Variants in TMEM272 observed in about 807,000 individuals in gnomAD.
TMEM272 encodes the protein long intergenic non-protein coding RNA 282.
Under a neutral mutation model 3.7 loss-of-function variants are expected in TMEM272, and 8 were observed. The observed-to-expected ratio is 2.17, with a 90% CI of 1.27 to 3.91. TMEM272 has a LOEUF of 3.91. Among genes scored for constraint, TMEM272 ranks in the 30% most tolerant of loss-of-function variants. The pLI is 0.00. For missense variants in TMEM272, 166 were observed against 91.5 expected, an observed-to-expected ratio of 1.81 and a Z score of -3.32; for synonymous variants, 63 against 39.8, an observed-to-expected ratio of 1.58 and a Z score of -2.20.
the TMEM272 span, among the ~76,000 whole-genome samples, chr13:51,900,438 T>C: frequency 6.6e-6 from 1 of 152,188 alleles, no homozygotes; most frequent in African/African-American, 2.4e-5. Flanking sequence ...CCACTTCATA[T>C]GCACTGAAAT....
chr13:51,871,863 C>A, the TMEM272 span, among the ~76,000 whole-genome samples: 1 of 149,520 alleles, frequency 6.7e-6, no homozygotes, highest in African/African-American at 2.5e-5. Context: ...CGCCCAGAGG[C>A]TTTCCAGCCT....
the TMEM272 span, among the ~76,000 whole-genome samples, chr13:51,911,072 C>A: frequency 6.6e-6 from 1 of 152,188 alleles, no homozygotes; most frequent in Admixed American, 6.5e-5. Context: ...CATTATGCAG[C>A]AGTAGCTAAC....
the TMEM272 span, among the ~76,000 whole-genome samples, chr13:51,867,963 G>T: frequency 1.3e-3 from 201 of 152,276 alleles, no homozygotes; most frequent in African/African-American, 4.5e-3. Context: ...AATTCAGGAT[G>T]AAGGGAGATG....
the TMEM272 span, chr13:51,865,945 T>A: frequency 5.6e-6 from 9 of 1,613,756 alleles, no homozygotes; most frequent in Admixed American, 1.5e-4. Flanking sequence ...AGGAAGAGAA[T>A]GCCCTCTGGG....
the TMEM272 span, among the ~76,000 whole-genome samples, chr13:51,928,101 T>TG: frequency 6.7e-6 from 1 of 150,144 alleles, no homozygotes; most frequent in Admixed American, 6.6e-5. Flanking sequence ...CCAAGAGAAC[T>TG]GGGGGTCTGG....
At chr13:51,842,731 A>G (rs959876972) in intron 1 of TMEM272, among the ~76,000 whole-genome samples, 5 of 152,266 alleles carry the variant, frequency 3.3e-5, no homozygotes, top group African/African-American at 1.2e-4. Context: ...ACATTTTGAC[A>G]TAAGCATTCT....
the TMEM272 span, among the ~76,000 whole-genome samples, chr13:51,878,416 CG>C: frequency 1.9e-4 from 29 of 151,960 alleles, no homozygotes; most frequent in Non-Finnish European, 3.8e-4. Flanking sequence ...GGTGACAGAG[CG>C]AGACTCTGTC....
chr13:51,839,348 A>G (rs1487691556), intron 1 of TMEM272, among the ~76,000 whole-genome samples: 1 of 152,160 alleles, frequency 6.6e-6, no homozygotes, highest in Non-Finnish European at 1.5e-5. Flanking sequence ...AGACACTAGG[A>G]GAGGAAGGGA....
At chr13:51,929,020 A>C in the TMEM272 span, among the ~76,000 whole-genome samples, 1 of 152,186 alleles carries the variant, frequency 6.6e-6, no homozygotes, top group African/African-American at 2.4e-5. Flanking sequence ...AACATGGTTA[A>C]ACCCCGTCTC....
chr13:51,884,635 T>C, the TMEM272 span, among the ~76,000 whole-genome samples: 1 of 152,184 alleles, frequency 6.6e-6, no homozygotes, highest in African/African-American at 2.4e-5. Flanking sequence ...CAGTAGTGTA[T>C]GGTGAGGTCC....
chr13:51,909,873 T>C, the TMEM272 span: 12 of 1,595,026 alleles, frequency 7.5e-6, no homozygotes, highest in Non-Finnish European at 7.7e-6. Context: ...TGCGTGTACT[T>C]TGGAGTCTTC....
chr13:51,931,916 C>T, the TMEM272 span, among the ~76,000 whole-genome samples: 1 of 151,990 alleles, frequency 6.6e-6, no homozygotes, highest in Admixed American at 6.6e-5. Context: ...TGGGGGAGAA[C>T]CTTGAAATAT....
intron 2 of TMEM272, among the ~76,000 whole-genome samples, chr13:51,834,228 C>T (rs1415910767): frequency 6.6e-6 from 1 of 152,116 alleles, no homozygotes; most frequent in Non-Finnish European, 1.5e-5. Context: ...ATAAAAGCAC[C>T]GTCTACTACT....
intron 1 of TMEM272, among the ~76,000 whole-genome samples, chr13:51,840,068 T>G (rs1393737609): frequency 6.6e-6 from 1 of 152,136 alleles, no homozygotes; most frequent in Non-Finnish European, 1.5e-5. Context: ...ATGCCCCATT[T>G]TACAGAGAAA....
chr13:51,890,671 C>T, the TMEM272 span, among the ~76,000 whole-genome samples: 2 of 152,252 alleles, frequency 1.3e-5, no homozygotes, highest in Middle Eastern at 3.4e-3. Context: ...ATGAAATGTA[C>T]GGGAGGCTTG....
the TMEM272 span, among the ~76,000 whole-genome samples, chr13:51,916,599 C>T: frequency 2.0e-5 from 3 of 152,202 alleles, no homozygotes; most frequent in Admixed American, 1.3e-4. Context: ...GCCATCCGAG[C>T]ATGGACTGAC....
At chr13:51,899,559 AGAC>A in the TMEM272 span, among the ~76,000 whole-genome samples, 714 of 152,196 alleles carry the variant, frequency 4.7e-3, 1 homozygote, top group Non-Finnish European at 7.0e-3. Flanking sequence ...TTAAGTATTA[AGAC>A]GGCAATATTT....
chr13:51,853,737 G>A, the TMEM272 span, among the ~76,000 whole-genome samples: 1 of 152,194 alleles, frequency 6.6e-6, no homozygotes, highest in Non-Finnish European at 1.5e-5. Context: ...AAATTGGGAA[G>A]TGTAAATGAT....
chr13:51,816,381 A>G lies in TMEM272; in HGVS notation c.*370T>C, dbSNP rs1956025685. Reference sequence around the variant, plus strand: ...CTGAATGACAGCAGCAGTAGCAACAACCAACCTTGCTCTTGCACCAGTCAT... The same window carrying G: ...CTGAATGACAGCAGCAGTAGCAACAGCCAACCTTGCTCTTGCACCAGTCAT... On this transcript the variant is annotated 3_prime_UTR_variant, in exon 5 of 5. Coordinates refer to ENST00000629372, the MANE Select transcript of TMEM272 (RefSeq NM_001351003.2). The G allele has an allele frequency of 5.4e-6, 1 of 185,434 alleles. No homozygotes were observed. The highest frequency in any genetic ancestry group is 1.1e-5 in the Non-Finnish European group (1 of 87,216). The allele number at this position is 185,434 out of a possible 1,614,324, so 11.5% of individuals were successfully genotyped here. A position where few individuals can be genotyped will look rare whatever the true frequency, so the allele number is the denominator to read the frequency against.
Sources: gnomAD v4.1 joint callset for allele counts (sites outside exome capture counted in the v4.1 genomes callset) on GRCh38, gnomAD v4.1.1 for gene constraint, MANE v1.5 for transcripts, NCBI Gene and HGNC (gene_info 2026-07-23, HGNC 2026-07-21) for gene names.